Variants in GNA12 observed in about 807,000 individuals in gnomAD.
GNA12 encodes the protein G protein subunit alpha 12.
Under a neutral mutation model 26.0 loss-of-function variants are expected in GNA12, and 9 were observed. That is an observed-to-expected ratio of 0.35 (90% CI 0.21 to 0.60). The LOEUF (loss-of-function observed/expected upper bound fraction) is 0.60, where lower values mean the gene tolerates loss of function less well. Ranked by LOEUF, GNA12 falls within the 20% of genes least tolerant of loss-of-function variation. GNA12 has a pLI of 0.78. For missense variants in GNA12, 405 were observed against 525.8 expected, an observed-to-expected ratio of 0.77 and a Z score of 2.25; for synonymous variants, 264 against 219.6, an observed-to-expected ratio of 1.20 and a Z score of -1.79.
intron 2 of GNA12, among the ~76,000 whole-genome samples, chr7:2,754,185 C>T (rs989267468): frequency 6.6e-6 from 1 of 152,194 alleles, no homozygotes; most frequent in East Asian, 1.9e-4. Flanking sequence ...AGTGCTAGCT[C>T]ACAGCAGTCT....
At chr7:2,791,041 T>A (rs1395759885) in intron 2 of GNA12, among the ~76,000 whole-genome samples, 1 of 152,076 alleles carries the variant, frequency 6.6e-6, no homozygotes, top group Non-Finnish European at 1.5e-5. Flanking sequence ...TCCACATTTG[T>A]AGTATGTAGG....
chr7:2,787,313 C>G (rs138540368), intron 2 of GNA12, among the ~76,000 whole-genome samples: 101 of 152,282 alleles, frequency 6.6e-4, no homozygotes, highest in African/African-American at 2.3e-3. Context: ...TGGCTACCAA[C>G]GCAATCCTAT....
intron 2 of GNA12, among the ~76,000 whole-genome samples, chr7:2,756,899 C>T (rs891519488): frequency 2.0e-5 from 3 of 151,746 alleles, no homozygotes; most frequent in Non-Finnish European, 4.4e-5. Flanking sequence ...CACAGTGAGA[C>T]CTCATCTCTA....
intron 2 of GNA12, among the ~76,000 whole-genome samples, chr7:2,748,230 G>C (rs909729226): frequency 2.0e-5 from 3 of 151,492 alleles, no homozygotes; most frequent in African/African-American, 7.3e-5. Flanking sequence ...GAACAAAGCT[G>C]GAGGCATCAC....
intron 2 of GNA12, among the ~76,000 whole-genome samples, chr7:2,783,843 T>C (rs1490110552): frequency 2.6e-5 from 4 of 151,610 alleles, no homozygotes; most frequent in African/African-American, 4.8e-5. Context: ...CACCACCATG[T>C]CTGGCTTATT....
intron 2 of GNA12, chr7:2,764,708 G>C (rs138417016): frequency 6.6e-6 from 1 of 152,236 alleles, no homozygotes; most frequent in Admixed American, 6.5e-5. Flanking sequence ...TCTGTAAACT[G>C]TAGGTGAGCT....
chr7:2,738,064 G>A (rs1331867448), intron 2 of GNA12, among the ~76,000 whole-genome samples: 3 of 152,126 alleles, frequency 2.0e-5, no homozygotes, highest in Non-Finnish European at 4.4e-5. Flanking sequence ...TTAGAAAAAG[G>A]AAGCTTTTCA....
intron 1 of GNA12, among the ~76,000 whole-genome samples, chr7:2,812,332 A>C (rs1793100616): frequency 6.6e-6 from 1 of 152,178 alleles, no homozygotes; most frequent in Non-Finnish European, 1.5e-5. Flanking sequence ...GCTTTGCTAA[A>C]ATCAGAGGCT....
chr7:2,809,920 T>C (rs1793039495), intron 1 of GNA12, among the ~76,000 whole-genome samples: 1 of 152,252 alleles, frequency 6.6e-6, no homozygotes, highest in Non-Finnish European at 1.5e-5. Flanking sequence ...AATAAATTCA[T>C]AGTAAAAATT....
Position 2,842,785 on chromosome 7 carries a change from G to A in GNA12, c.309+1068C>T, listed in dbSNP as rs147453556. On this transcript the variant is annotated intron_variant, in intron 1 of 3. Transcript: ENST00000275364. ...AATGTTTAGGTTTGCTAATGGTACTGCGGTTGTGTTTTTACATGGAGGCCT... is the reference window on the plus strand; with the variant it reads ...AATGTTTAGGTTTGCTAATGGTACTACGGTTGTGTTTTTACATGGAGGCCT... Among the ~76,000 whole-genome samples the A allele has an allele frequency of 9.2e-5, 14 of 152,304 alleles. 2 individuals carry two copies. The South Asian group carries it at 2.3e-3, about 25-fold the overall frequency.
At chr7:2,837,017 G>C (rs145510783) in intron 1 of GNA12, among the ~76,000 whole-genome samples, 2 of 152,320 alleles carry the variant, frequency 1.3e-5, no homozygotes, top group African/African-American at 4.8e-5. Flanking sequence ...GGGGGAAATT[G>C]ATCTTCTACC....
rs796250812 is a variant in GNA12 at position 2,759,372 on chromosome 7, C to T, written c.526-25871G>A. On this transcript the variant is annotated intron_variant, in intron 2 of 3. Transcript: ENST00000275364. Reference sequence around the variant, plus strand: ...TGTGCCTGCACTGTTCTAAGGGCCTCCCCCATATCACCTTCATTCTCACAA... The same window carrying T: ...TGTGCCTGCACTGTTCTAAGGGCCTTCCCCATATCACCTTCATTCTCACAA... Among the ~76,000 whole-genome samples the T allele has an allele frequency of 4.5e-4, 69 of 152,236 alleles. 1 individual carries two copies. The highest frequency in any genetic ancestry group is 1.3e-3 in the African/African-American group (52 of 41,538).
intron 1 of GNA12, among the ~76,000 whole-genome samples, chr7:2,837,373 G>T (rs184671732): frequency 2.0e-5 from 3 of 152,348 alleles, no homozygotes; most frequent in Admixed American, 1.3e-4. Flanking sequence ...GCTAACAGCC[G>T]TATGTCAGAG....
At chr7:2,769,840 C>T (rs79664308) in intron 2 of GNA12, among the ~76,000 whole-genome samples, 6,108 of 152,244 alleles carry the variant, frequency 0.04, 375 homozygotes, top group African/African-American at 0.12. Context: ...AAGATACCCA[C>T]TTCTTTATAC....
chr7:2,749,164 T>C (rs1583231884), intron 2 of GNA12, among the ~76,000 whole-genome samples: 2 of 151,024 alleles, frequency 1.3e-5, no homozygotes, highest in South Asian at 2.1e-4. Flanking sequence ...TTACTGGGTA[T>C]ATACCCAAAG....
rs1790013293 is a variant in GNA12 at position 2,733,637 on chromosome 7, A to T, written c.526-136T>A. The stretch of plus-strand genomic sequence containing the variant: ...GGGAAAGCAAAGGAAAAAGGCAGAG[A>T]GTGTCCGTGTGTTTTCTAAAATAAA... On this transcript the variant is annotated intron_variant, in intron 2 of 3. Coordinates refer to ENST00000275364, the MANE Select transcript of GNA12 (RefSeq NM_007353.3). The T allele has an allele frequency of 5.9e-6, 4 of 683,356 alleles. No individual in the cohort carries two copies. In the East Asian group the frequency reaches 8.2e-5, roughly 14 times the overall value. 42.3% of individuals were successfully genotyped at this position (683,356 alleles called of 1,614,324 possible).
At chr7:2,815,197 T>C (rs1583304321) in intron 1 of GNA12, 2 of 421,538 alleles carry the variant, frequency 4.7e-6, no homozygotes, top group East Asian at 5.2e-5. Context: ...GGTCCGGCAC[T>C]GTGAGTGTGC....
chr7:2,832,536 G>A (rs797018856), intron 1 of GNA12, among the ~76,000 whole-genome samples: 4 of 152,284 alleles, frequency 2.6e-5, no homozygotes, highest in East Asian at 1.9e-4. Flanking sequence ...CAGATTCTTC[G>A]GGTCTCAGTG....
At chr7:2,776,321 T>C (rs1310317356) in intron 2 of GNA12, among the ~76,000 whole-genome samples, 5 of 152,108 alleles carry the variant, frequency 3.3e-5, no homozygotes, top group Non-Finnish European at 5.9e-5. Context: ...CAGAGTGCTA[T>C]AGAAAGAACA....
Sources: gnomAD v4.1 joint callset for allele counts (sites outside exome capture counted in the v4.1 genomes callset) on GRCh38, gnomAD v4.1.1 for gene constraint, MANE v1.5 for transcripts, NCBI Gene and HGNC (gene_info 2026-07-23, HGNC 2026-07-21) for gene names.